The following LIMK2 variants were observed in gnomAD, a reference collection of about 807,000 sequenced individuals.
LIMK2 encodes LIM domain kinase 2.
A neutral mutation model predicts 75.7 loss-of-function variants in LIMK2; 35 were observed. The observed-to-expected ratio is 0.46, with a 90% confidence interval of 0.35 to 0.61. The LOEUF (loss-of-function observed/expected upper bound fraction) is 0.61. Ranked by LOEUF, LIMK2 falls within the 20% of genes least tolerant of loss-of-function variation. The pLI, the probability that LIMK2 is intolerant of heterozygous loss-of-function variation, is 0.00. For synonymous variants in LIMK2, 301 were observed against 319.2 expected, an observed-to-expected ratio of 0.94 and a Z score of 0.61; for missense variants, 623 against 831.0, an observed-to-expected ratio of 0.75 and a Z score of 3.08.
chr22:31,262,703 C>T lies in LIMK2; in HGVS notation c.766C>T (p.His256Tyr). The T allele has an allele frequency of 6.2e-7, 1 of 1,614,200 alleles. No individual in the cohort carries two copies. Among genetic ancestry groups the T allele is most frequent in the Non-Finnish European group, 8.5e-7 (1 of 1,180,028 alleles). ...GCGGCTGGAGGCCCGGCTCGCTCCTCACATGCAGAATGCCGGACACCCCCA... is the reference window on the plus strand; with the variant it reads ...GCGGCTGGAGGCCCGGCTCGCTCCTTACATGCAGAATGCCGGACACCCCCA... Reference protein sequence around the residue: ...QLRLEARLAPHMQNAGHPHAL... With the variant: ...QLRLEARLAPYMQNAGHPHAL... The change falls in exon 7 of 16, where the codon CAC (histidine) becomes TAC (tyrosine). Residue 256 changes from histidine (H) to tyrosine (Y), a missense_variant. By Grantham distance (83) the His-to-Tyr change is moderately conservative (BLOSUM62 2). This residue lies in a region of LIMK2 where 514 missense variants were observed against 661.3 expected (regional missense o/e 0.78). Coordinates refer to ENST00000331728, the MANE Select transcript of LIMK2 (RefSeq NM_005569.4). This position sits in a 1 kb window ranked among gnomAD's most constrained non-coding sequence, Gnocchi z 5.0.
chr22:31,258,449 G>A, intron 3 of LIMK2, 23 bp downstream of exon 3: 1 of 1,613,180 alleles, frequency 6.2e-7, no homozygotes, highest in Non-Finnish European at 8.5e-7. Flanking sequence ...CTTCATATCT[G>A]CCCCTCTTGG....
intron 2 of LIMK2, among the ~76,000 whole-genome samples, chr22:31,249,499 G>C (rs2048704280): frequency 6.6e-6 from 1 of 152,138 alleles, no homozygotes; most frequent in East Asian, 1.9e-4. Context: ...CCTCTAACCT[G>C]GCTTTCTTTG....
chr22:31,248,221 G>A (rs896383872), intron 2 of LIMK2: 6 of 535,464 alleles, frequency 1.1e-5, no homozygotes, highest in Non-Finnish European at 1.4e-5. Context: ...CTGCAGCCTC[G>A]ATCCAGCCCA....
chr22:31,265,191 C>CAA (rs35356989), intron 7 of LIMK2, among the ~76,000 whole-genome samples: 2,665 of 34,410 alleles, frequency 0.077, 365 homozygotes, highest in East Asian at 0.33. Context: ...GAGACTCCAT[C>CAA]AAAAAAAAAA....
chr22:31,221,000 A>G (rs1449275566), intron 1 of LIMK2, among the ~76,000 whole-genome samples: 2 of 152,178 alleles, frequency 1.3e-5, no homozygotes, highest in African/African-American at 4.8e-5. Flanking sequence ...AAGGGAAAAG[A>G]TAGAGAAGCT....
intron 15 of LIMK2, 33 bp downstream of exon 15, chr22:31,275,341 G>C: frequency 6.2e-7 from 1 of 1,612,784 alleles, no homozygotes; most frequent in African/African-American, 1.3e-5. Flanking sequence ...CCAGCTCACA[G>C]GGTCCTGGGA....
chr22:31,260,172 C>A, intron 5 of LIMK2, 95 bp downstream of exon 5: 1 of 1,021,764 alleles, frequency 9.8e-7, no homozygotes, highest in Non-Finnish European at 1.4e-6. Flanking sequence ...ATGCAGAACT[C>A]CCTTTATTCT....
At chr22:31,235,070 T>G (rs1200474258) in intron 2 of LIMK2, among the ~76,000 whole-genome samples, 1 of 152,202 alleles carries the variant, frequency 6.6e-6, no homozygotes, top group African/African-American at 2.4e-5. Flanking sequence ...AATCTCACAT[T>G]TATTCATGTG....
In LIMK2 at chr22:31,272,528, A is replaced by G. The variant is rs2048969973; in HGVS notation, c.1384-2A>G. 1 of 1,607,142 alleles carries G rather than the reference A, an allele frequency of 6.2e-7. No homozygotes were observed. The highest frequency in any genetic ancestry group is 8.5e-7 in the Non-Finnish European group (1 of 1,177,612). Reference sequence around the variant, plus strand: ...GTCCTGACCTGTCTTTTATCCTACCAGGACAAGACTGTGGTGGTGGCAGAC... The same window carrying G: ...GTCCTGACCTGTCTTTTATCCTACCGGGACAAGACTGTGGTGGTGGCAGAC... On this transcript the variant is annotated splice_acceptor_variant, in intron 12 of 15. Transcript: ENST00000331728. LOFTEE classifies it high-confidence loss of function.
At chr22:31,236,868 C>T (rs1161639248) in intron 2 of LIMK2, among the ~76,000 whole-genome samples, 1 of 150,042 alleles carries the variant, frequency 6.7e-6, no homozygotes, top group African/African-American at 2.5e-5. Context: ...AGTGGGCCAA[C>T]ATCATGTCAC....
intron 2 of LIMK2, among the ~76,000 whole-genome samples, chr22:31,248,017 G>A (rs758315139): frequency 6.6e-6 from 1 of 151,728 alleles, no homozygotes; most frequent in Non-Finnish European, 1.5e-5. Flanking sequence ...CCCCCGTCTG[G>A]TGTGGCTCTT....
intron 2 of LIMK2, among the ~76,000 whole-genome samples, chr22:31,253,529 G>A (rs1352690277): frequency 3.3e-5 from 5 of 152,234 alleles, no homozygotes; most frequent in Non-Finnish European, 5.9e-5. Flanking sequence ...GAAGCATCAC[G>A]AAGTGTTAAC....
chr22:31,221,419 C>T (rs1601398701), intron 1 of LIMK2, among the ~76,000 whole-genome samples: 1 of 151,806 alleles, frequency 6.6e-6, no homozygotes, highest in African/African-American at 2.4e-5. Flanking sequence ...TTTGGCCGCC[C>T]GCCCTTTTCC....
intron 2 of LIMK2, among the ~76,000 whole-genome samples, chr22:31,249,854 G>A (rs775562834): frequency 4.6e-5 from 7 of 152,122 alleles, no homozygotes; most frequent in Admixed American, 6.5e-5. Context: ...AAGGGAACTG[G>A]TCCTCAATGC....
chr22:31,244,735 G>C (rs2048651846), intron 2 of LIMK2, among the ~76,000 whole-genome samples: 1 of 152,194 alleles, frequency 6.6e-6, no homozygotes, highest in South Asian at 2.1e-4. Context: ...TGTAACAATA[G>C]TCTTAATGAT....
At chr22:31,272,941 G>C in intron 13 of LIMK2, 1 of 1,275,152 alleles carries the variant, frequency 7.8e-7, no homozygotes, top group Non-Finnish European at 9.9e-7. Flanking sequence ...TGGCATTTGT[G>C]CCTCAGGGAT....
chr22:31,257,040 ATTTTTTT>A (rs529919320), intron 2 of LIMK2, among the ~76,000 whole-genome samples: 2,069 of 74,460 alleles, frequency 0.028, 73 homozygotes, highest in East Asian at 0.26. Context: ...GGAGCTATAG[ATTTTTTT>A]TTTTTTTTTT....
chr22:31,275,909 G>C (rs768820308), intron 15 of LIMK2, among the ~76,000 whole-genome samples: 2 of 152,082 alleles, frequency 1.3e-5, no homozygotes, highest in Non-Finnish European at 2.9e-5. Context: ...TATTACCAAA[G>C]TTACCCTAGG....
Position 31,262,063 on chromosome 22 carries a change from C to G in LIMK2, c.552-71C>G. ...TGGCCTGGGACCTGGTAAACCTTCCCTGCACAAGCAGAATTGGTCAAGCAG... is the reference window on the plus strand; with the variant it reads ...TGGCCTGGGACCTGGTAAACCTTCCGTGCACAAGCAGAATTGGTCAAGCAG... On this transcript the variant is annotated intron_variant, in intron 5 of 15. Transcript: ENST00000331728. This position sits in a 1 kb window ranked among gnomAD's most constrained non-coding sequence, Gnocchi z 5.0. 7.7e-7 allele frequency: 1 copy of G among 1,297,282 alleles called. No individual in the cohort carries two copies. The highest frequency in any genetic ancestry group is 1.2e-5 in the South Asian group (1 of 83,990). The allele number at this position is 1,297,282 out of a possible 1,614,324, so 80.4% of individuals were successfully genotyped here.
Sources: gnomAD v4.1 joint callset for allele counts (sites outside exome capture counted in the v4.1 genomes callset) on GRCh38, gnomAD v4.1.1 for gene constraint, gnomAD v4.1.1 regional missense constraint, Gnocchi (gnomAD v3.1) non-coding constraint, MANE v1.5 for transcripts, NCBI Gene and HGNC (gene_info 2026-07-23, HGNC 2026-07-21) for gene names.